Variants in FBXO40 observed in about 807,000 individuals in gnomAD.
FBXO40 encodes the protein F-box protein 40.
FBXO40 carries 50 observed loss-of-function variants against 49.9 expected under a neutral mutation model. That is an observed-to-expected ratio of 1.00 (90% CI 0.80 to 1.27). FBXO40 has a LOEUF of 1.27. Ranked by LOEUF, FBXO40 falls within the 50% of genes most tolerant of loss-of-function variation. The pLI is 0.00. For missense variants in FBXO40, 895 were observed against 870.1 expected (o/e 1.03, Z -0.36); for synonymous variants, 340 against 320.2 (o/e 1.06, Z -0.66).
chr3:121,610,463 G>T (rs1033961524), intron 1 of FBXO40, among the ~76,000 whole-genome samples: 7 of 152,120 alleles, frequency 4.6e-5, no homozygotes, highest in African/African-American at 1.7e-4. Flanking sequence ...GTCAGTGTTA[G>T]TATATTTCCT....
At chr3:121,606,781 G>A (rs971935010) in intron 1 of FBXO40, among the ~76,000 whole-genome samples, 10 of 152,250 alleles carry the variant, frequency 6.6e-5, no homozygotes, top group Admixed American at 1.3e-4. Flanking sequence ...AAATTTAGCC[G>A]GAGTCCTCTT....
chr3:121,594,371 T>C (rs1052965284), intron 1 of FBXO40, among the ~76,000 whole-genome samples: 3 of 150,514 alleles, frequency 2.0e-5, no homozygotes, highest in Non-Finnish European at 4.4e-5. Context: ...TGGCTAATTT[T>C]TGTATTTTTA....
chr3:121,616,972 A>C (rs1381282977), intron 1 of FBXO40, among the ~76,000 whole-genome samples: 4 of 152,172 alleles, frequency 2.6e-5, no homozygotes, highest in African/African-American at 7.2e-5. Context: ...GATCACATGG[A>C]GGTAGAGAGT....
Position 121,627,398 on chromosome 3 carries a change from C to T in FBXO40, c.*488C>T. The T allele has an allele frequency of 5.8e-6, 1 of 171,992 alleles. No homozygotes were observed. Among genetic ancestry groups the T allele is most frequent in the Non-Finnish European group, 1.2e-5 (1 of 80,496 alleles). The allele number at this position is 171,992 out of a possible 1,614,324, so 10.7% of individuals were successfully genotyped here. The stretch of plus-strand genomic sequence containing the variant: ...AAAGCTGGAGGCTCTGGAGCTGGGT[C>T]TGTTTTGACGGTCAAGTCCAGGGCT... On this transcript the variant is annotated 3_prime_UTR_variant, in exon 4 of 4. Coordinates refer to ENST00000338040, the MANE Select transcript of FBXO40 (RefSeq NM_016298.4).
Position 121,621,511 on chromosome 3 carries a change from G to A in FBXO40, c.82G>A (p.Glu28Lys), listed in dbSNP as rs887864656. Residue 28 changes from glutamate (E) to lysine (K), a missense_variant, in exon 3 of 4, where the codon GAA (glutamate) becomes AAA (lysine). Glu to Lys is a moderately conservative substitution (Grantham distance 56). Transcript: ENST00000338040. ...CAACCGCCACTGCCACATTCCTGTGGAACCCAACACCTCCTGCCTGGTAAT... is the reference window on the plus strand; with the variant it reads ...CAACCGCCACTGCCACATTCCTGTGAAACCCAACACCTCCTGCCTGGTAAT... ...CFNRHCHIPVEPNTSCLVISC... is the reference protein window; with the variant it reads ...CFNRHCHIPVKPNTSCLVISC... The A allele has an allele frequency of 8.7e-6, 14 of 1,614,184 alleles. No homozygotes were observed. The highest frequency in any genetic ancestry group is 1.1e-5 in the Non-Finnish European group (13 of 1,180,024).
Position 121,627,510 on chromosome 3 carries a change from G to A in FBXO40, c.*600G>A, listed in dbSNP as rs1034085941. 3.4e-5 allele frequency: 7 copies of A among 204,708 alleles called. No homozygotes were observed. The highest frequency in any genetic ancestry group is 1.2e-4 in the Admixed American group (2 of 16,854). 12.7% of individuals were successfully genotyped at this position (204,708 alleles called of 1,614,324 possible). ...GCCCCTGGCTGAGCATGGCAGCCTTGAAGACACCACAGGCCAAAACATGAG... is the reference window on the plus strand; with the variant it reads ...GCCCCTGGCTGAGCATGGCAGCCTTAAAGACACCACAGGCCAAAACATGAG... On this transcript the variant is annotated 3_prime_UTR_variant, in exon 4 of 4. Coordinates refer to ENST00000338040, the MANE Select transcript of FBXO40 (RefSeq NM_016298.4).
At chr3:121,602,227 C>A (rs553778703) in intron 1 of FBXO40, among the ~76,000 whole-genome samples, 1 of 152,240 alleles carries the variant, frequency 6.6e-6, no homozygotes, top group Non-Finnish European at 1.5e-5. Flanking sequence ...TACTTCATGG[C>A]TCCAATTTCT....
intron 1 of FBXO40, among the ~76,000 whole-genome samples, chr3:121,601,212 C>T: frequency 6.6e-6 from 1 of 152,088 alleles, no homozygotes; most frequent in East Asian, 1.9e-4. Context: ...ACAATTTCCC[C>T]CCCATACACA....
intron 1 of FBXO40, among the ~76,000 whole-genome samples, chr3:121,595,543 T>C (rs1431026658): frequency 6.6e-6 from 1 of 152,120 alleles, no homozygotes; most frequent in African/African-American, 2.4e-5. Context: ...AGATTTCTAG[T>C]ATAGGTGGAA....
Position 121,621,550 on chromosome 3 carries a change from C to T in FBXO40, c.121C>T (p.Leu41Phe), listed in dbSNP as rs2108850960. 1 of 1,614,248 alleles carries T rather than the reference C, an allele frequency of 6.2e-7. No homozygotes were observed. Among genetic ancestry groups the T allele is most frequent in the Non-Finnish European group, 8.5e-7 (1 of 1,180,048 alleles). Residue 41 changes from leucine (L) to phenylalanine (F), a missense_variant, in exon 3 of 4, where the codon CTC becomes TTC. Transcript: ENST00000338040. ...CTGCCTGGTAATAAGCTGCCACCTG[C>T]TCTGTGGTGCCACCTTCCACATGTG... ...TSCLVISCHL[L>F]CGATFHMCKE... is the part of the protein sequence containing the mutation.
rs143415272 is a variant in FBXO40 at position 121,622,663 on chromosome 3, G to T, written c.1234G>T (p.Val412Phe). ...CALERELKGH[V>F]ISESRSIDGL... is the part of the protein sequence containing the mutation. The stretch of plus-strand genomic sequence containing the variant: ...TTTGGAAAGAGAACTCAAAGGCCAC[G>T]TCATCTCTGAATCCAGAAGCATTGA... Residue 412 changes from valine to phenylalanine, a missense_variant, in exon 3 of 4, where the codon GTC (valine) becomes TTC (phenylalanine). Physicochemically the swap from Val to Phe is conservative, Grantham distance 50. Transcript: ENST00000338040. 12 of 1,614,070 alleles carry T rather than the reference G, an allele frequency of 7.4e-6. No individual in the cohort carries two copies. The East Asian group carries it at 2.2e-4, about 30-fold the overall frequency.
At position 121,627,247 on chromosome 3, in the gene FBXO40, ACGAAATT is replaced by A; in HGVS notation, c.*339_*345del. 3.1e-6 allele frequency: 1 copy of A among 324,304 alleles called. No homozygotes were observed. The highest frequency in any genetic ancestry group is 5.8e-6 in the Non-Finnish European group (1 of 171,610). The allele number at this position is 324,304 out of a possible 1,614,324, so 20.1% of individuals were successfully genotyped here. Reference sequence around the variant, plus strand: ...CCAATTTCTTAAGTGATGAGAGAGCACGAAATTCCATAACCAGTACAGGCCTGTGCTT... The same window carrying A: ...CCAATTTCTTAAGTGATGAGAGAGCACCATAACCAGTACAGGCCTGTGCTT... On this transcript the variant is annotated 3_prime_UTR_variant, in exon 4 of 4. Transcript: ENST00000338040.
rs1316943925 is a variant in FBXO40, at chr3:121,627,110, C to A, written c.*200C>A. 3.6e-6 allele frequency: 2 copies of A among 553,426 alleles called. No individual in the cohort carries two copies. The highest frequency in any genetic ancestry group is 3.8e-5 in the African/African-American group (2 of 53,188). 34.3% of individuals were successfully genotyped at this position (553,426 alleles called of 1,614,324 possible). A position where few individuals can be genotyped will look rare whatever the true frequency, so the allele number is the denominator to read the frequency against. ...AGCCATGTCTTGTACCATAGTGCCA[C>A]ATTGATGACTTGTTTCCTTTTTTCT... On this transcript the variant is annotated 3_prime_UTR_variant, in exon 4 of 4. Transcript: ENST00000338040.
At position 121,623,224 on chromosome 3, in the gene FBXO40, G is replaced by T; in HGVS notation, c.1795G>T (p.Val599Leu). The T allele has an allele frequency of 6.2e-7, 1 of 1,614,194 alleles. No individual in the cohort carries two copies. The highest frequency in any genetic ancestry group is 8.5e-7 in the Non-Finnish European group (1 of 1,180,032). Residue 599 changes from valine (V) to leucine (L), a missense_variant, in exon 3 of 4, where the codon GTG becomes TTG. By Grantham distance (32) the Val-to-Leu change is conservative. Coordinates refer to ENST00000338040, the MANE Select transcript of FBXO40 (RefSeq NM_016298.4). The part of the protein sequence containing the change: ...DSVSLAQLSQ[V>L]SVLMRNICAT... ...CGTCAGCCTGGCCCAGCTCTCCCAG[G>T]TGTCTGTGCTGATGAGGAATATCTG...
intron 1 of FBXO40, among the ~76,000 whole-genome samples, chr3:121,613,643 G>A (rs1446756939): frequency 6.6e-6 from 1 of 152,162 alleles, no homozygotes; most frequent in Non-Finnish European, 1.5e-5. Context: ...TTTTCTTAAA[G>A]GGCGTTTCTA....
rs777647610 is a variant in FBXO40, at chr3:121,622,543, C to T, written c.1114C>T (p.Pro372Ser). ...TGGAGATGCCATGTTGAGTTGTAAG[C>T]CAAGTGAACACAAGGCAGTGGATAC... The part of the protein sequence containing the change: ...RLGDAMLSCK[P>S]SEHKAVDTSD... The change falls in exon 3 of 4, where the codon CCA becomes TCA. Residue 372 changes from proline (P) to serine (S), a missense_variant. Pro to Ser is a moderately conservative substitution (Grantham distance 74). Transcript: ENST00000338040. 6.2e-7 allele frequency: 1 copy of T among 1,614,142 alleles called. No homozygotes were observed. Among genetic ancestry groups the T allele is most frequent in the East Asian group, 2.2e-5 (1 of 44,870 alleles).
At chr3:121,606,459 C>CT (rs1283964472) in intron 1 of FBXO40, among the ~76,000 whole-genome samples, 1 of 152,198 alleles carries the variant, frequency 6.6e-6, no homozygotes, top group Non-Finnish European at 1.5e-5. Flanking sequence ...AAGCTGGTCA[C>CT]TAGAGACCCT....
intron 1 of FBXO40, among the ~76,000 whole-genome samples, chr3:121,600,175 C>G (rs1467127284): frequency 6.9e-6 from 1 of 145,356 alleles, no homozygotes; most frequent in Non-Finnish European, 1.5e-5. Flanking sequence ...AGACTACAGG[C>G]ATGTGTCACA....
intron 1 of FBXO40, among the ~76,000 whole-genome samples, chr3:121,611,311 A>G (rs1192371621): frequency 2.0e-5 from 3 of 152,234 alleles, no homozygotes; most frequent in Non-Finnish European, 1.5e-5. Context: ...TATTTCAGCA[A>G]AAAGGAATGT....
Sources: allele counts gnomAD v4.1 joint callset (sites outside exome capture counted in the v4.1 genomes callset), GRCh38; gene constraint gnomAD v4.1.1; transcripts MANE v1.5; gene names NCBI Gene and HGNC (gene_info 2026-07-23, HGNC 2026-07-21).